The following CSTPP1 variants were observed in gnomAD, a reference collection of about 807,000 sequenced individuals.
CSTPP1 encodes centriolar satellite-associated tubulin polyglutamylase complex regulator 1, also known as UPF0705 protein C11orf49.
At chr11:46,982,951 T>C in the CSTPP1 span, among the ~76,000 whole-genome samples, 1 of 152,142 alleles carries the variant, frequency 6.6e-6, no homozygotes, top group African/African-American at 2.4e-5. Flanking sequence ...GGCAGAGAGA[T>C]AAGGTAACTT....
At chr11:47,113,573 T>A in the CSTPP1 span, among the ~76,000 whole-genome samples, 1 of 152,208 alleles carries the variant, frequency 6.6e-6, no homozygotes, top group African/African-American at 2.4e-5. Flanking sequence ...TTCATTATGG[T>A]TTTGATTTGC....
the CSTPP1 span, among the ~76,000 whole-genome samples, chr11:47,019,145 T>C: frequency 2.0e-5 from 3 of 152,116 alleles, no homozygotes; most frequent in Non-Finnish European, 4.4e-5. Context: ...GTAGCTGGGA[T>C]TACAGGCGTG....
chr11:47,056,421 C>T, the CSTPP1 span, among the ~76,000 whole-genome samples: 19 of 152,160 alleles, frequency 1.2e-4, no homozygotes, highest in Non-Finnish European at 2.1e-4. Context: ...TTTACTATCA[C>T]GAGGGATTCA....
chr11:47,154,671 CTGGCCCTT>C, the CSTPP1 span, among the ~76,000 whole-genome samples: 1 of 152,274 alleles, frequency 6.6e-6, no homozygotes, highest in East Asian at 1.9e-4. Flanking sequence ...TGTCGCTGTT[CTGGCCCTT>C]TGGTAGCTTA....
the CSTPP1 span, among the ~76,000 whole-genome samples, chr11:46,971,714 G>T: frequency 6.6e-6 from 1 of 152,116 alleles, no homozygotes; most frequent in African/African-American, 2.4e-5. Context: ...GGAGGCCAAG[G>T]CAGGAGGATC....
the CSTPP1 span, among the ~76,000 whole-genome samples, chr11:46,975,785 AG>A: frequency 1.3e-5 from 2 of 152,236 alleles, no homozygotes; most frequent in Admixed American, 1.3e-4. Flanking sequence ...ATGATCTGAA[AG>A]TCTTTCAACT....
the CSTPP1 span, among the ~76,000 whole-genome samples, chr11:46,997,561 A>G: frequency 6.6e-6 from 1 of 152,024 alleles, no homozygotes; most frequent in African/African-American, 2.4e-5. Context: ...TCTTCTCTCA[A>G]CTCGTCAAAG....
At chr11:47,102,897 C>T in the CSTPP1 span, among the ~76,000 whole-genome samples, 19 of 151,036 alleles carry the variant, frequency 1.3e-4, no homozygotes, top group East Asian at 3.4e-3. Flanking sequence ...TGTGGTTAAG[C>T]CTTTAAGGTA....
At chr11:47,009,565 G>C in the CSTPP1 span, among the ~76,000 whole-genome samples, 1 of 152,344 alleles carries the variant, frequency 6.6e-6, no homozygotes, top group East Asian at 1.9e-4. Context: ...GGGAGGCCAA[G>C]GCGGGAGCAT....
chr11:46,974,162 G>A, the CSTPP1 span, among the ~76,000 whole-genome samples: 1 of 152,190 alleles, frequency 6.6e-6, no homozygotes, highest in Non-Finnish European at 1.5e-5. Context: ...GAGCCCAGCT[G>A]TGGAGGTTGC....
At chr11:47,016,404 C>CAA in the CSTPP1 span, among the ~76,000 whole-genome samples, 14 of 30,230 alleles carry the variant, frequency 4.6e-4, no homozygotes, top group Admixed American at 3.2e-3. Context: ...AAACAAAAAA[C>CAA]AAAAAACAAA....
chr11:47,039,116 G>A, the CSTPP1 span, among the ~76,000 whole-genome samples: 1 of 127,502 alleles, frequency 7.8e-6, no homozygotes, highest in Non-Finnish European at 1.9e-5. Context: ...CCGGGCAGAG[G>A]CTGCAATCTC....
the CSTPP1 span, chr11:46,947,980 T>G: frequency 4.5e-6 from 2 of 446,328 alleles, no homozygotes; most frequent in African/African-American, 4.0e-5. Context: ...TGTGGCCAAC[T>G]TACAAAGACC....
chr11:46,950,522 T>C, the CSTPP1 span, among the ~76,000 whole-genome samples: 1 of 152,034 alleles, frequency 6.6e-6, no homozygotes, highest in Non-Finnish European at 1.5e-5. Context: ...TCATGTCTCA[T>C]ATATATATTT....
the CSTPP1 span, among the ~76,000 whole-genome samples, chr11:47,012,766 A>C: frequency 6.6e-6 from 1 of 152,052 alleles, no homozygotes; most frequent in South Asian, 2.1e-4. Context: ...ATCAGGATTC[A>C]TAATCTCCCT....
chr11:47,157,774 G>A, the CSTPP1 span: 2 of 1,591,992 alleles, frequency 1.3e-6, no homozygotes, highest in African/African-American at 1.3e-5. Context: ...GTGGCCCTGA[G>A]GCTGGCTAGG....
At chr11:46,999,531 C>A in the CSTPP1 span, among the ~76,000 whole-genome samples, 1 of 152,156 alleles carries the variant, frequency 6.6e-6, no homozygotes, top group African/African-American at 2.4e-5. Context: ...TTTCTTCTAG[C>A]TATAATTTCT....
At chr11:47,119,205 A>G in the CSTPP1 span, among the ~76,000 whole-genome samples, 3 of 152,238 alleles carry the variant, frequency 2.0e-5, no homozygotes, top group African/African-American at 7.2e-5. Flanking sequence ...TCGCAGATCA[A>G]TCTCAGACTG....
the CSTPP1 span, among the ~76,000 whole-genome samples, chr11:47,074,094 C>T: frequency 1.3e-5 from 2 of 152,182 alleles, no homozygotes; most frequent in African/African-American, 4.8e-5. Context: ...ATCCCAGCTA[C>T]TTGGGAGGCT....
Sources: allele counts gnomAD v4.1 joint callset (sites outside exome capture counted in the v4.1 genomes callset), GRCh38; gene constraint gnomAD v4.1.1; transcripts MANE v1.5; gene names NCBI Gene and HGNC (gene_info 2026-07-23, HGNC 2026-07-21).